SCLT1: variants seen among roughly 807,000 people sequenced by gnomAD.
SCLT1 encodes sodium channel-associated protein 1.
A neutral mutation model predicts 112.8 loss-of-function variants in SCLT1; 78 were observed. The ratio of observed to expected loss-of-function variants is 0.69; its 90% CI spans 0.58 to 0.83. SCLT1 has a LOEUF of 0.83. Ranked by LOEUF, SCLT1 falls within the 40% of genes least tolerant of loss-of-function variation. The probability of loss-of-function intolerance (pLI) is 0.00; values close to 1 mark genes in which losing one functional copy is unlikely to be tolerated. For missense variants in SCLT1, 747 were observed against 770.4 expected (o/e 0.97, Z 0.36); for synonymous variants, 257 against 254.7 (o/e 1.01, Z -0.09).
chr4:128,997,615 C>G (rs1046179533), intron 8 of SCLT1, among the ~76,000 whole-genome samples: 20 of 151,826 alleles, frequency 1.3e-4, no homozygotes, highest in Non-Finnish European at 2.7e-4. Context: ...TCTTGAGGAA[C>G]TCACTGTCTA....
chr4:129,003,480 C>T (rs1414766946), intron 6 of SCLT1, among the ~76,000 whole-genome samples: 1 of 148,410 alleles, frequency 6.7e-6, no homozygotes, highest in South Asian at 2.2e-4. Flanking sequence ...AAAATATTCT[C>T]ATAAGAAAAA....
At chr4:128,901,976 G>GGC (rs1417602971) in intron 18 of SCLT1, among the ~76,000 whole-genome samples, 4 of 152,012 alleles carry the variant, frequency 2.6e-5, no homozygotes, top group Non-Finnish European at 5.9e-5. Flanking sequence ...GAGTGCAGTG[G>GGC]TACAATCATG....
intron 2 of SCLT1, among the ~76,000 whole-genome samples, chr4:129,078,630 G>T (rs944647246): frequency 6.6e-6 from 1 of 152,002 alleles, no homozygotes; most frequent in African/African-American, 2.4e-5. Context: ...CTGGTCTTTG[G>T]AAATAAAAGC....
intron 2 of SCLT1, among the ~76,000 whole-genome samples, chr4:129,071,766 T>A (rs1275897646): frequency 2.0e-5 from 3 of 152,188 alleles, no homozygotes; most frequent in African/African-American, 7.2e-5. Context: ...GTTTTGTATC[T>A]TTTAAGTGGA....
intron 1 of SCLT1, among the ~76,000 whole-genome samples, chr4:129,084,178 T>C (rs1169210574): frequency 6.6e-6 from 1 of 151,892 alleles, no homozygotes; most frequent in Non-Finnish European, 1.5e-5. Context: ...CTATTGGAGG[T>C]CTAAGTTAAT....
At chr4:129,068,511 G>A (rs1750695494) in intron 2 of SCLT1, among the ~76,000 whole-genome samples, 1 of 152,128 alleles carries the variant, frequency 6.6e-6, no homozygotes, top group Non-Finnish European at 1.5e-5. Flanking sequence ...TTGGCCATCT[G>A]TATATCTTCT....
intron 11 of SCLT1, among the ~76,000 whole-genome samples, chr4:128,964,751 A>G (rs1198915072): frequency 6.6e-6 from 1 of 152,210 alleles, no homozygotes; most frequent in Non-Finnish European, 1.5e-5. Flanking sequence ...CCTCTTAACT[A>G]TGATTTTAAA....
intron 9 of SCLT1, among the ~76,000 whole-genome samples, chr4:128,985,877 C>A (rs1212782978): frequency 1.3e-5 from 2 of 152,048 alleles, no homozygotes; most frequent in Admixed American, 6.6e-5. Context: ...CTGTGCCCAG[C>A]CTAAATCTCG....
chr4:129,059,718 T>C (rs1749780754), intron 2 of SCLT1, among the ~76,000 whole-genome samples: 2 of 152,194 alleles, frequency 1.3e-5, no homozygotes, highest in Admixed American at 6.6e-5. Context: ...ATGCTGTTGG[T>C]CTAATTACAG....
chr4:128,975,432 A>C (rs999390718), intron 9 of SCLT1, among the ~76,000 whole-genome samples: 1 of 152,144 alleles, frequency 6.6e-6, no homozygotes, highest in Non-Finnish European at 1.5e-5. Context: ...TTATACCATC[A>C]ATTTGGACAG....
intron 18 of SCLT1, among the ~76,000 whole-genome samples, chr4:128,920,137 A>C (rs1735772884): frequency 6.6e-6 from 1 of 152,226 alleles, no homozygotes; most frequent in Non-Finnish European, 1.5e-5. Flanking sequence ...TCATAGATGC[A>C]AAAGTCCTCA....
At chr4:129,016,123 G>A (rs1456833180) in intron 5 of SCLT1, among the ~76,000 whole-genome samples, 2 of 151,212 alleles carry the variant, frequency 1.3e-5, no homozygotes, top group Admixed American at 6.6e-5. Flanking sequence ...TCTCAATATT[G>A]TATCTTATTT....
At chr4:128,894,175 C>G (rs318508) in intron 18 of SCLT1, among the ~76,000 whole-genome samples, 1 of 151,678 alleles carries the variant, frequency 6.6e-6, no homozygotes, top group Non-Finnish European at 1.5e-5. Context: ...CTCCTGGGCT[C>G]AAGCAGTCCT....
chr4:128,992,327 G>A (rs1742647105), intron 8 of SCLT1, 90 bp from the exon 9 acceptor site: 4 of 782,440 alleles, frequency 5.1e-6, no homozygotes, highest in Non-Finnish European at 2.0e-6. Context: ...TAGAAAAAAA[G>A]TTTAGTGAGA....
intron 14 of SCLT1, among the ~76,000 whole-genome samples, chr4:128,950,069 A>G (rs1027351470): frequency 1.2e-4 from 19 of 152,180 alleles, no homozygotes; most frequent in African/African-American, 4.6e-4. Flanking sequence ...TAAATTTAAT[A>G]TCTTTTATTA....
rs1007315679 is a variant in SCLT1, at chr4:129,026,789, T to C, written c.290+12252A>G. 2.6e-5 allele frequency among the ~76,000 whole-genome samples: 4 copies of C among 151,970 alleles called. No individual in the cohort carries two copies. The East Asian group carries it at 7.7e-4, about 29-fold the overall frequency. ...TGGTTTTTTGAAAGGATCAACAAAA[T>C]TGATAGACCGCTAGCAAGACTAATA... On this transcript the variant is annotated intron_variant, in intron 5 of 20. Coordinates refer to ENST00000281142, the MANE Select transcript of SCLT1 (RefSeq NM_144643.4).
chr4:129,013,187 T>A, intron 5 of SCLT1, among the ~76,000 whole-genome samples: 1 of 152,162 alleles, frequency 6.6e-6, no homozygotes, highest in East Asian at 1.9e-4. Flanking sequence ...TTTCCCTCTT[T>A]GTGCTTGTAA....
chr4:128,950,095 T>C (rs545716527), intron 14 of SCLT1, among the ~76,000 whole-genome samples: 2 of 152,158 alleles, frequency 1.3e-5, no homozygotes, highest in East Asian at 3.9e-4. Flanking sequence ...GAACCCTGAG[T>C]GTATACAAAA....
chr4:129,012,422 A>G (rs2126106259), intron 5 of SCLT1, among the ~76,000 whole-genome samples: 1 of 152,212 alleles, frequency 6.6e-6, no homozygotes, highest in Non-Finnish European at 1.5e-5. Context: ...TTTGCTGAGG[A>G]GTGTTTTACT....
Sources: allele counts gnomAD v4.1 joint callset (sites outside exome capture counted in the v4.1 genomes callset), GRCh38; gene constraint gnomAD v4.1.1; transcripts MANE v1.5; gene names NCBI Gene and HGNC (gene_info 2026-07-23, HGNC 2026-07-21).